ICA1L: variants seen among roughly 807,000 people sequenced by gnomAD.
The protein encoded by ICA1L is islet cell autoantigen 1 like.
A neutral mutation model predicts 61.3 loss-of-function variants in ICA1L; 50 were observed. That is an observed-to-expected ratio of 0.82 (90% confidence interval 0.65 to 1.03). The LOEUF is 1.03. ICA1L is among the 50% of genes least tolerant of loss of function. The pLI is 0.00. For synonymous variants in ICA1L, 161 were observed against 191.3 expected (o/e 0.84, Z 1.31); for missense variants, 508 against 556.7 (o/e 0.91, Z 0.88).
chr2:202,785,970 T>C lies in ICA1L; in HGVS notation c.1281A>G (p.Ser427=). 1 of 1,610,540 alleles carries C rather than the reference T, an allele frequency of 6.2e-7. No homozygotes were observed. The highest frequency in any genetic ancestry group is 2.2e-5 in the East Asian group (1 of 44,790). Residue 427 remains serine, a synonymous_variant, in exon 12 of 13, where the codon TCA becomes TCG. Coordinates refer to ENST00000358299, the MANE Select transcript of ICA1L (RefSeq NM_001288622.3). ...AAGGCACTGGCTGGTTATCAGTGTG[T>C]GAAAGACAAAGTTCTGATTCCTCTT... ...VSQEESELCL[S]HTDNQPVPSQ...
chr2:202,856,321 C>A (rs750566355), intron 1 of ICA1L, among the ~76,000 whole-genome samples: 2 of 152,170 alleles, frequency 1.3e-5, no homozygotes, highest in African/African-American at 2.4e-5. Flanking sequence ...AAGGCTGGTT[C>A]ACCATATGCA....
At chr2:202,803,077 A>T (rs529234883) in intron 9 of ICA1L, among the ~76,000 whole-genome samples, 1 of 152,238 alleles carries the variant, frequency 6.6e-6, no homozygotes, top group South Asian at 2.1e-4. Context: ...AAAAAAATCC[A>T]ACTAAACCTT....
At chr2:202,860,755 A>G (rs147770563) in intron 1 of ICA1L, among the ~76,000 whole-genome samples, 1 of 152,306 alleles carries the variant, frequency 6.6e-6, no homozygotes, top group Admixed American at 6.5e-5. Context: ...GTGTCTCAAA[A>G]AAAAAGAAAA....
At chr2:202,782,649 T>C (rs2105815795) in intron 12 of ICA1L, among the ~76,000 whole-genome samples, 1 of 152,152 alleles carries the variant, frequency 6.6e-6, no homozygotes, top group South Asian at 2.1e-4. Context: ...CCTCGTGATC[T>C]GCCCACCTTG....
chr2:202,776,061 C>CA lies in ICA1L; in HGVS notation c.*3471_*3472insT. 1 of 152,230 alleles carries CA rather than the reference C, an allele frequency of 6.6e-6. No homozygotes were observed. The highest frequency in any genetic ancestry group is 1.9e-4 in the East Asian group (1 of 5,186). The allele number at this position is 152,230 out of a possible 1,614,324, so 9.4% of individuals were successfully genotyped here. A position where few individuals can be genotyped will look rare whatever the true frequency, so the allele number is the denominator to read the frequency against. On this transcript the variant is annotated 3_prime_UTR_variant, in exon 13 of 13. Coordinates refer to ENST00000358299, the MANE Select transcript of ICA1L (RefSeq NM_001288622.3). ...TTCCTTCGTTCTAATGCTGTAAGAC[C>CA]TCTACATTTCTAGATGGTCTATACA...
chr2:202,847,870 T>C (rs1694509724), intron 1 of ICA1L, among the ~76,000 whole-genome samples: 1 of 151,856 alleles, frequency 6.6e-6, no homozygotes, highest in African/African-American at 2.4e-5. Flanking sequence ...GAAAATGTGA[T>C]ACATATACAC....
chr2:202,860,604 T>C (rs1694884141), intron 1 of ICA1L, among the ~76,000 whole-genome samples: 1 of 151,796 alleles, frequency 6.6e-6, no homozygotes, highest in East Asian at 2.0e-4. Flanking sequence ...ATACAAAAAT[T>C]AGTCCAATGT....
Position 202,819,878 on chromosome 2 carries a change from CAGA to C in ICA1L, c.378_380del (p.Leu127del), listed in dbSNP as rs778490056. 4 of 1,613,908 alleles carry C rather than the reference CAGA, an allele frequency of 2.5e-6. No individual in the cohort carries two copies. The South Asian group carries it at 4.4e-5, about 18-fold the overall frequency. On this transcript the variant is annotated inframe_deletion, in exon 5 of 13. Transcript: ENST00000358299. Reference sequence around the variant, plus strand: ...TTGCTACTTCTTGCTTCAGACGAGACAGAGGAGTACACAGGGCCAATCTAATGG... The same window carrying C: ...TTGCTACTTCTTGCTTCAGACGAGACGGAGTACACAGGGCCAATCTAATGG...
chr2:202,779,236 C>A lies in ICA1L; in HGVS notation c.*297G>T. On this transcript the variant is annotated 3_prime_UTR_variant, in exon 13 of 13. Coordinates refer to ENST00000358299, the MANE Select transcript of ICA1L (RefSeq NM_001288622.3). Reference sequence around the variant, plus strand: ...TCCATATTGACAGAATTATTCCTAGCCGTTATTTTGACATAAATTTCAGTA... The same window carrying A: ...TCCATATTGACAGAATTATTCCTAGACGTTATTTTGACATAAATTTCAGTA... 1 of 271,644 alleles carries A rather than the reference C, an allele frequency of 3.7e-6. No individual in the cohort carries two copies. Among genetic ancestry groups the A allele is most frequent in the Non-Finnish European group, 6.8e-6 (1 of 146,628 alleles). 16.8% of individuals were successfully genotyped at this position (271,644 alleles called of 1,614,324 possible). A position where few individuals can be genotyped will look rare whatever the true frequency, so the allele number is the denominator to read the frequency against.
At chr2:202,843,816 C>G (rs915028536) in intron 1 of ICA1L, among the ~76,000 whole-genome samples, 1 of 152,236 alleles carries the variant, frequency 6.6e-6, no homozygotes, top group Non-Finnish European at 1.5e-5. Flanking sequence ...TTCAGCCACA[C>G]ACAGCAAGAG....
At chr2:202,811,031 AC>A (rs1693363244) in intron 9 of ICA1L, among the ~76,000 whole-genome samples, 1 of 152,254 alleles carries the variant, frequency 6.6e-6, no homozygotes, top group East Asian at 1.9e-4. Flanking sequence ...CTGTGGTCTC[AC>A]CCTGCCTCCA....
At chr2:202,786,211 C>T (rs1345446093) in intron 11 of ICA1L, among the ~76,000 whole-genome samples, 1 of 152,184 alleles carries the variant, frequency 6.6e-6, no homozygotes, top group Non-Finnish European at 1.5e-5. Context: ...GACTTCCTTA[C>T]ATTTTTCAAA....
intron 2 of ICA1L, among the ~76,000 whole-genome samples, chr2:202,826,642 T>C (rs896365278): frequency 6.6e-6 from 1 of 152,176 alleles, no homozygotes; most frequent in African/African-American, 2.4e-5. Flanking sequence ...CAGCTAATTT[T>C]TGTATTTTTA....
chr2:202,813,025 GA>G (rs1413453976), intron 8 of ICA1L, among the ~76,000 whole-genome samples: 5 of 152,120 alleles, frequency 3.3e-5, no homozygotes. Context: ...TTGGGAGGCT[GA>G]AGTGGGCAGA....
intron 9 of ICA1L, among the ~76,000 whole-genome samples, chr2:202,801,960 T>C (rs1006859639): frequency 6.6e-5 from 10 of 152,192 alleles, no homozygotes; most frequent in Non-Finnish European, 1.3e-4. Flanking sequence ...AAATATTGGC[T>C]GGTATTCACA....
intron 1 of ICA1L, among the ~76,000 whole-genome samples, chr2:202,832,369 C>A (rs114520702): frequency 0.089 from 13,247 of 148,674 alleles, 724 homozygotes; most frequent in Non-Finnish European, 0.12. Context: ...ATCGCTTGAA[C>A]CCGGAAGGCG....
chr2:202,788,383 C>A (rs1692650649), intron 11 of ICA1L, among the ~76,000 whole-genome samples: 1 of 152,078 alleles, frequency 6.6e-6, no homozygotes, highest in Admixed American at 6.6e-5. Context: ...AGCAAAGTGA[C>A]CCCCAAGGTG....
At chr2:202,798,756 C>G (rs1360786380) in intron 9 of ICA1L, among the ~76,000 whole-genome samples, 1 of 152,132 alleles carries the variant, frequency 6.6e-6, no homozygotes, top group African/African-American at 2.4e-5. Context: ...TAACTTACCT[C>G]TTAATCCTCC....
chr2:202,786,077 G>A (rs1692570233), intron 11 of ICA1L, 70 bp from the exon 12 acceptor site: 1 of 861,576 alleles, frequency 1.2e-6, no homozygotes, highest in Non-Finnish European at 1.9e-6. Context: ...AACAAGAAAA[G>A]GTAAAAATAT....
Sources: gnomAD v4.1 joint callset for allele counts (sites outside exome capture counted in the v4.1 genomes callset) on GRCh38, gnomAD v4.1.1 for gene constraint, MANE v1.5 for transcripts, NCBI Gene and HGNC (gene_info 2026-07-23, HGNC 2026-07-21) for gene names.